INTS7: variants seen among roughly 807,000 people sequenced by gnomAD.
INTS7 encodes integrator complex subunit 7.
INTS7 carries 46 observed loss-of-function variants against 109.2 expected under a neutral mutation model. That is an observed-to-expected ratio of 0.42 (90% CI 0.33 to 0.54). The LOEUF is 0.54. Among genes scored for constraint, INTS7 ranks in the 20% least tolerant of loss-of-function variants. The pLI is 0.07. For synonymous variants in INTS7, 412 were observed against 402.9 expected, an observed-to-expected ratio of 1.02 and a Z score of -0.27; for missense variants, 929 against 1,132.4, an observed-to-expected ratio of 0.82 and a Z score of 2.58.
In INTS7 at chr1:211,959,608, C is replaced by CCCTG. The variant is rs1043820617; in HGVS notation, c.2183+6818_2183+6821dup. On this transcript the variant is annotated intron_variant, in intron 16 of 19. Transcript: ENST00000366994. This position sits in a 1 kb window ranked among gnomAD's most constrained non-coding sequence, Gnocchi z 4.2. ...GCCCCACAAGTGCACGTTCACCTTG[C>CCCTG]CCTGCCACTGCTGCTGGTGCATTCT... Among the ~76,000 whole-genome samples, 112 of 152,288 alleles carry CCCTG rather than the reference C, an allele frequency of 7.4e-4. No individual in the cohort carries two copies. The highest frequency in any genetic ancestry group is 2.6e-3 in the African/African-American group (109 of 41,552).
At chr1:211,951,018 A>G (rs1355456890) in intron 17 of INTS7, among the ~76,000 whole-genome samples, 1 of 152,246 alleles carries the variant, frequency 6.6e-6, no homozygotes, top group East Asian at 1.9e-4. Context: ...AATACTATTG[A>G]CAATTTTACA....
intron 12 of INTS7, among the ~76,000 whole-genome samples, chr1:211,976,348 G>A (rs1184325126): frequency 6.6e-6 from 1 of 152,156 alleles, no homozygotes; most frequent in Non-Finnish European, 1.5e-5. Context: ...ACAACCTACA[G>A]CCAGAAAGGG....
chr1:211,941,789 A>G lies in INTS7; in HGVS notation c.*35T>C. On this transcript the variant is annotated 3_prime_UTR_variant, in exon 20 of 20. Coordinates refer to ENST00000366994, the MANE Select transcript of INTS7 (RefSeq NM_015434.4). Reference sequence around the variant, plus strand: ...CAAACTGTTTCTGGCAATTTGATTGATCTCTTGAGAGTCTGCAGTGCATTC... The same window carrying G: ...CAAACTGTTTCTGGCAATTTGATTGGTCTCTTGAGAGTCTGCAGTGCATTC... 3 of 1,591,686 alleles carry G rather than the reference A, an allele frequency of 1.9e-6. No individual in the cohort carries two copies. Among genetic ancestry groups the G allele is most frequent in the Non-Finnish European group, 2.6e-6 (3 of 1,168,738 alleles).
At chr1:211,967,738 T>C (rs961702935) in intron 15 of INTS7, 140 bp downstream of exon 15, 10 of 566,162 alleles carry the variant, frequency 1.8e-5, no homozygotes, top group Admixed American at 3.8e-5. Context: ...ATTCTGCTTA[T>C]ATATTTTAAA....
chr1:211,944,396 T>C (rs994042025), intron 19 of INTS7, among the ~76,000 whole-genome samples: 5 of 152,154 alleles, frequency 3.3e-5, no homozygotes, highest in East Asian at 1.9e-4. Context: ...TTTGGGCACC[T>C]GAGTCCTCTG....
At chr1:212,014,489 A>AAG (rs1437126312) in intron 4 of INTS7, among the ~76,000 whole-genome samples, 13 of 147,990 alleles carry the variant, frequency 8.8e-5, no homozygotes, top group African/African-American at 3.2e-4. Flanking sequence ...AAAAAAAAAA[A>AAG]GCTGAAGAGG....
Position 211,982,666 on chromosome 1 carries a change from TCAAACTTACCCTTTTCTTGA to T in INTS7, c.1122_1132+9del. 1.3e-6 allele frequency: 2 copies of T among 1,596,092 alleles called. No homozygotes were observed. Among genetic ancestry groups the T allele is most frequent in the Non-Finnish European group, 1.7e-6 (2 of 1,171,790 alleles). ...AGTTTATACGTAATATCAGTCCTGA[TCAAACTTACCCTTTTCTTGA>T]CAAGAAACAGTTATATTAGTTAGGA... On this transcript the variant is annotated splice_donor_variant and splice_donor_5th_base_variant and coding_sequence_variant and intron_variant, in exon 9 of 20. Transcript: ENST00000366994. LOFTEE classifies it high-confidence loss of function.
chr1:212,032,694 T>C lies in INTS7; in HGVS notation c.94+2650A>G, dbSNP rs1034249452. ...CAGGGTTTCACCATGTTAGCCAGGA[T>C]GGTCTCGATCTCCTGACTTCGTGAT... On this transcript the variant is annotated intron_variant, in intron 1 of 19. Transcript: ENST00000366994. 4.6e-5 allele frequency among the ~76,000 whole-genome samples: 7 copies of C among 152,162 alleles called. No homozygotes were observed. In the East Asian group the frequency reaches 7.7e-4, roughly 17 times the overall value.
chr1:212,032,030 C>T (rs902529892), intron 1 of INTS7, among the ~76,000 whole-genome samples: 1 of 152,196 alleles, frequency 6.6e-6, no homozygotes, highest in East Asian at 1.9e-4. Flanking sequence ...AGAGACATCT[C>T]AAATTTAACA....
intron 16 of INTS7, chr1:211,966,054 G>A (rs1663863655): frequency 6.3e-6 from 1 of 159,350 alleles, no homozygotes; most frequent in African/African-American, 2.4e-5. Flanking sequence ...TAGTTATTGG[G>A]GGAGGGGAAA....
At chr1:211,950,861 T>A (rs1160657793) in intron 17 of INTS7, among the ~76,000 whole-genome samples, 1 of 152,216 alleles carries the variant, frequency 6.6e-6, no homozygotes, top group Admixed American at 6.5e-5. Flanking sequence ...TTGTTTAGCA[T>A]CTATTTCATT....
At chr1:211,944,263 A>C (rs1386042279) in intron 19 of INTS7, among the ~76,000 whole-genome samples, 2 of 152,062 alleles carry the variant, frequency 1.3e-5, no homozygotes, top group African/African-American at 2.4e-5. Context: ...TCCTGATGTA[A>C]GAGAGACCTT....
intron 13 of INTS7, among the ~76,000 whole-genome samples, chr1:211,970,145 G>C (rs1664106254): frequency 6.6e-6 from 1 of 152,146 alleles, no homozygotes; most frequent in African/African-American, 2.4e-5. Context: ...GCACAGAGAA[G>C]ACACCAAGGA....
At chr1:212,031,957 A>C (rs1024174478) in intron 1 of INTS7, among the ~76,000 whole-genome samples, 1 of 152,216 alleles carries the variant, frequency 6.6e-6, no homozygotes, top group African/African-American at 2.4e-5. Flanking sequence ...ATATTTCTTT[A>C]AAATAGCGTT....
intron 7 of INTS7, among the ~76,000 whole-genome samples, chr1:211,992,791 C>T (rs990958934): frequency 1.3e-5 from 2 of 152,206 alleles, no homozygotes; most frequent in African/African-American, 4.8e-5. Flanking sequence ...ATACGTCAAT[C>T]ACATTTCCAT....
At chr1:211,950,716 TCA>T (rs1663047838) in intron 17 of INTS7, among the ~76,000 whole-genome samples, 1 of 152,250 alleles carries the variant, frequency 6.6e-6, no homozygotes, top group Non-Finnish European at 1.5e-5. Context: ...GTGACTAAAG[TCA>T]CACAGCTGCT....
At chr1:211,977,886 A>C (rs1029428905) in intron 11 of INTS7, among the ~76,000 whole-genome samples, 1 of 152,018 alleles carries the variant, frequency 6.6e-6, no homozygotes, top group Non-Finnish European at 1.5e-5. Flanking sequence ...TTTAACTTCT[A>C]TTTTCTAAAG....
At chr1:211,974,487 A>G (rs796123374) in intron 13 of INTS7, among the ~76,000 whole-genome samples, 46 of 151,852 alleles carry the variant, frequency 3.0e-4, no homozygotes, top group African/African-American at 1.0e-3. Flanking sequence ...AATATATACA[A>G]TTTTTAAAGT....
At chr1:211,998,537 C>T (rs1417690954) in intron 7 of INTS7, among the ~76,000 whole-genome samples, 1 of 152,164 alleles carries the variant, frequency 6.6e-6, no homozygotes, top group East Asian at 1.9e-4. Context: ...TTGTACCATA[C>T]ACAAAAGTCA....
Sources: gnomAD v4.1 joint callset for allele counts (sites outside exome capture counted in the v4.1 genomes callset) on GRCh38, gnomAD v4.1.1 for gene constraint, Gnocchi (gnomAD v3.1) non-coding constraint, MANE v1.5 for transcripts, NCBI Gene and HGNC (gene_info 2026-07-23, HGNC 2026-07-21) for gene names.